The following RSRP1 variants were observed in gnomAD, a reference collection of about 807,000 sequenced individuals.
RSRP1 encodes arginine/serine-rich protein 1.
RSRP1 carries 37 observed loss-of-function variants against 33.0 expected under a neutral mutation model. The observed-to-expected ratio is 1.12, with a 90% CI of 0.86 to 1.48. The LOEUF (loss-of-function observed/expected upper bound fraction) is 1.48. RSRP1 is among the 40% of genes most tolerant of loss of function. RSRP1 has a pLI of 0.00. For synonymous variants in RSRP1, 167 were observed against 158.7 expected, an observed-to-expected ratio of 1.05 and a Z score of -0.40; for missense variants, 402 against 385.3, an observed-to-expected ratio of 1.04 and a Z score of -0.36.
intron 3 of RSRP1, chr1:25,244,833 AC>A: frequency 1.1e-6 from 1 of 939,102 alleles, no homozygotes; most frequent in Non-Finnish European, 1.4e-6. Flanking sequence ...ACAGGCATGC[AC>A]CACCATGCCT....
At position 25,289,029 on chromosome 1, in the gene RSRP1, G is replaced by A. The variant is rs550098965; in HGVS notation, c.-66-42000C>T. Among the ~76,000 whole-genome samples, 4 of 133,930 alleles carry A rather than the reference G, an allele frequency of 3.0e-5. No homozygotes were observed. In the East Asian group the frequency reaches 5.9e-4, roughly 20 times the overall value. The allele number at this position is 133,930 out of a possible 152,430, so 87.9% of individuals were successfully genotyped here. On this transcript the variant is annotated intron_variant, in intron 1 of 1. Coordinates refer to the RSRP1 transcript ENST00000561867. The stretch of plus-strand genomic sequence containing the variant: ...CTGCAGCAAACACTGGGGAAGCTGA[G>A]TCCAGACTTCAGAGCACAGGCTTTG...
At position 25,307,742 on chromosome 1, in the gene RSRP1, C is replaced by T. The variant is rs547427205; in HGVS notation, c.-67+30236G>A. The T allele has an allele frequency of 6.1e-6, 8 of 1,306,224 alleles. 2 individuals carry two copies. Among genetic ancestry groups the T allele is most frequent in the East Asian group, 4.9e-5 (2 of 40,672 alleles). 80.9% of individuals were successfully genotyped at this position (1,306,224 alleles called of 1,614,324 possible). On this transcript the variant is annotated intron_variant, in intron 1 of 1. Coordinates refer to the RSRP1 transcript ENST00000561867. ...TCTCAGAGAAATCATGGAGGCGCTG[C>T]GGTTCCTACCGGTTCTTGGATGCCT...
Position 25,329,250 on chromosome 1 carries a change from T to G in RSRP1, c.-67+8728A>C, listed in dbSNP as rs1311690173. 7.7e-6 allele frequency: 5 copies of G among 648,370 alleles called. 1 individual carries two copies. Among genetic ancestry groups the G allele is most frequent in the African/African-American group, 2.1e-5 (1 of 47,298 alleles). The allele number at this position is 648,370 out of a possible 1,614,324, so 40.2% of individuals were successfully genotyped here. On this transcript the variant is annotated intron_variant, in intron 1 of 1. Coordinates refer to the RSRP1 transcript ENST00000561867. ...TTATTATTCCTTGTTTTTTTTTTTTTTTTTTTTTTTTTGAGATGTAGTCTT... is the reference window on the plus strand; with the variant it reads ...TTATTATTCCTTGTTTTTTTTTTTTGTTTTTTTTTTTTGAGATGTAGTCTT...
At position 25,310,012 on chromosome 1, in the gene RSRP1, T is replaced by A. The variant is rs537401272; in HGVS notation, c.-67+27966A>T. Among the ~76,000 whole-genome samples the A allele has an allele frequency of 3.8e-5, 5 of 132,982 alleles. No homozygotes were observed. In the South Asian group the frequency reaches 1.2e-3, roughly 31 times the overall value. 87.2% of individuals were successfully genotyped at this position (132,982 alleles called of 152,430 possible). On this transcript the variant is annotated intron_variant, in intron 1 of 1. Coordinates refer to the RSRP1 transcript ENST00000561867. Reference sequence around the variant, plus strand: ...CCCAAAAAACCCAACTTATATAGTATAAGCTATATCCAGAAAAGTGCAAAT... The same window carrying A: ...CCCAAAAAACCCAACTTATATAGTAAAAGCTATATCCAGAAAAGTGCAAAT...
At chr1:25,254,462 GTC>G (rs1373698862) in intron 1 of RSRP1, among the ~76,000 whole-genome samples, 1 of 73,060 alleles carries the variant, frequency 1.4e-5, no homozygotes, top group East Asian at 3.6e-4. Flanking sequence ...TTGAGACAGA[GTC>G]TCACTCTGTC....
rs1183897897 is a variant in RSRP1, at chr1:25,265,551, T to C, written c.-66-18522A>G. 2.4e-5 allele frequency among the ~76,000 whole-genome samples: 2 copies of C among 82,982 alleles called. 1 individual carries two copies. Among genetic ancestry groups the C allele is most frequent in the African/African-American group, 8.1e-5 (2 of 24,590 alleles). 54.4% of individuals were successfully genotyped at this position (82,982 alleles called of 152,430 possible). On this transcript the variant is annotated intron_variant, in intron 1 of 1. Transcript: ENST00000561867. ...GGCACAATCTTGGCTCACTACAACC[T>C]CCACCTCCCAGGTTCAAACAATCCT...
chr1:25,245,510 C>G (rs1181038973), intron 2 of RSRP1, among the ~76,000 whole-genome samples: 1 of 152,152 alleles, frequency 6.6e-6, no homozygotes, highest in African/African-American at 2.4e-5. Context: ...TTACTAAATG[C>G]AGATAGAAAG....
At position 25,273,084 on chromosome 1, in the gene RSRP1, A is replaced by C. The variant is rs188269931; in HGVS notation, c.-66-26055T>G. Among the ~76,000 whole-genome samples, 168 of 130,888 alleles carry C rather than the reference A, an allele frequency of 1.3e-3. 41 individuals are homozygous for C. Among genetic ancestry groups the C allele is most frequent in the Non-Finnish European group, 3.6e-4 (20 of 55,314 alleles). 85.9% of individuals were successfully genotyped at this position (130,888 alleles called of 152,430 possible). A position where few individuals can be genotyped will look rare whatever the true frequency, so the allele number is the denominator to read the frequency against. The stretch of plus-strand genomic sequence containing the variant: ...CAAGTGCAGCTATCTTATGCAAGCA[A>C]TTTCATGTTGTTGGGTTTTTGGTTT... On this transcript the variant is annotated intron_variant, in intron 1 of 1. Transcript: ENST00000561867.
intron 1 of RSRP1, chr1:25,267,706 G>C (rs1359874936): frequency 7.5e-6 from 1 of 132,458 alleles, no homozygotes; most frequent in African/African-American, 2.6e-5. Flanking sequence ...AGAGGGCTGC[G>C]CGGCCGACCC....
At chr1:25,261,144 C>T (rs148160705) in intron 1 of RSRP1, among the ~76,000 whole-genome samples, 72 of 152,202 alleles carry the variant, frequency 4.7e-4, no homozygotes, top group African/African-American at 1.3e-3. Flanking sequence ...GATTAGGGCT[C>T]CACCCTCATG....
intron 1 of RSRP1, among the ~76,000 whole-genome samples, chr1:25,305,738 C>G (rs1268884946): frequency 1.5e-5 from 2 of 129,060 alleles, no homozygotes; most frequent in African/African-American, 5.3e-5. Flanking sequence ...GTAGCTGGGT[C>G]TACAGGCGCC....
Position 25,315,597 on chromosome 1 carries a change from C to G in RSRP1, c.-67+22381G>C, listed in dbSNP as rs534658935. Reference sequence around the variant, plus strand: ...CTGCAAACTCCACCTCCCAGGTTCACGCCGTTCTCCTGCCTCAGCCTCCTG... The same window carrying G: ...CTGCAAACTCCACCTCCCAGGTTCAGGCCGTTCTCCTGCCTCAGCCTCCTG... On this transcript the variant is annotated intron_variant, in intron 1 of 1. Coordinates refer to the RSRP1 transcript ENST00000561867. 3.2e-5 allele frequency among the ~76,000 whole-genome samples: 4 copies of G among 125,166 alleles called. 1 individual carries two copies. The highest frequency in any genetic ancestry group is 2.3e-4 in the Admixed American group (3 of 12,926). 82.1% of individuals were successfully genotyped at this position (125,166 alleles called of 152,430 possible).
In RSRP1 at chr1:25,246,936, G is replaced by A. The variant is rs1486077326; in HGVS notation, c.28C>T (p.Pro10Ser). 1.9e-6 allele frequency: 3 copies of A among 1,587,378 alleles called. No individual in the cohort carries two copies. Among genetic ancestry groups the A allele is most frequent in the Non-Finnish European group, 2.6e-6 (3 of 1,163,594 alleles). MSNYVNDMW[P>S]GSPQEKDSPS... The stretch of plus-strand genomic sequence containing the variant: ...GAATCCTTCTCCTGCGGCGAGCCCG[G>A]CCACATGTCGTTCACGTAGTTGGAC... Residue 10 changes from proline to serine, a missense_variant, in exon 2 of 5, where the codon CCG becomes TCG. Coordinates refer to ENST00000243189, the MANE Select transcript of RSRP1 (RefSeq NM_020317.5).
At chr1:25,264,384 C>T (rs1640256489) in intron 1 of RSRP1, among the ~76,000 whole-genome samples, 1 of 151,782 alleles carries the variant, frequency 6.6e-6, no homozygotes. Flanking sequence ...CAATTCTTGA[C>T]TTCTGTGCAC....
In RSRP1 at chr1:25,320,234, G is replaced by A. The variant is rs184375810; in HGVS notation, c.-67+17744C>T. 2.7e-4 allele frequency among the ~76,000 whole-genome samples: 36 copies of A among 131,798 alleles called. 1 individual carries two copies. In the East Asian group the frequency reaches 6.8e-3, roughly 25 times the overall value. The allele number at this position is 131,798 out of a possible 152,430, so 86.5% of individuals were successfully genotyped here. A position where few individuals can be genotyped will look rare whatever the true frequency, so the allele number is the denominator to read the frequency against. On this transcript the variant is annotated intron_variant, in intron 1 of 1. Transcript: ENST00000561867. ...AAAACTGGACACAAGAACACAAAAC[G>A]CTTGGGCTGCTGAGAGATTAGAACA...
rs774435928 is a variant in RSRP1, at chr1:25,246,674, C to T, written c.290G>A (p.Arg97His). Residue 97 changes from arginine to histidine, a missense_variant, in exon 2 of 5, where the codon CGC (arginine) becomes CAC (histidine). Transcript: ENST00000243189. ...GTAGTATCTCCTGGTGAACCCGTAG[C>T]GCCTCTCTCGGTAACGGCGGCTGCG... The part of the protein sequence containing the change: ...RSRSRRYRER[R>H]YGFTRRYYRS... 5 of 1,611,216 alleles carry T rather than the reference C, an allele frequency of 3.1e-6. No homozygotes were observed. The highest frequency in any genetic ancestry group is 4.2e-6 in the Non-Finnish European group (5 of 1,177,670).
In RSRP1 at chr1:25,319,898, C is replaced by CT. The variant is rs1290313358; in HGVS notation, c.-67+18079dup. Among the ~76,000 whole-genome samples, 41 of 125,710 alleles carry CT rather than the reference C, an allele frequency of 3.3e-4. 3 individuals are homozygous for CT. The highest frequency in any genetic ancestry group is 1.5e-3 in the South Asian group (6 of 4,066). 82.5% of individuals were successfully genotyped at this position (125,710 alleles called of 152,430 possible). A position where few individuals can be genotyped will look rare whatever the true frequency, so the allele number is the denominator to read the frequency against. Reference sequence around the variant, plus strand: ...AGAGCCTAACAGAGGAAGAGAAATTCTTTTTTTTTTCTTTTTTTAGACGCA... The same window carrying CT: ...AGAGCCTAACAGAGGAAGAGAAATTCTTTTTTTTTTTCTTTTTTTAGACGCA... On this transcript the variant is annotated intron_variant, in intron 1 of 1. Transcript: ENST00000561867.
chr1:25,278,404 C>A (rs1641199393), intron 1 of RSRP1, among the ~76,000 whole-genome samples: 2 of 131,084 alleles, frequency 1.5e-5, no homozygotes, highest in African/African-American at 5.2e-5. Flanking sequence ...CCACCCCAAA[C>A]TTAGTGGCTT....
chr1:25,256,684 T>G (rs1464626243), intron 1 of RSRP1, among the ~76,000 whole-genome samples: 4 of 152,064 alleles, frequency 2.6e-5, no homozygotes, highest in Admixed American at 6.6e-5. Context: ...AGGCTAATCT[T>G]GAACTCCTGG....
Sources: gnomAD v4.1 joint callset for allele counts (sites outside exome capture counted in the v4.1 genomes callset) on GRCh38, gnomAD v4.1.1 for gene constraint, MANE v1.5 for transcripts, NCBI Gene and HGNC (gene_info 2026-07-23, HGNC 2026-07-21) for gene names.